The following PRELP variants were observed in gnomAD, a reference collection of about 807,000 sequenced individuals.
PRELP encodes proline and arginine rich end leucine rich repeat protein.
PRELP carries 16 observed loss-of-function variants against 22.8 expected under a neutral mutation model. The ratio of observed to expected loss-of-function variants is 0.70; its 90% CI spans 0.47 to 1.06. PRELP has a LOEUF of 1.06. Ranked by LOEUF, PRELP falls within the 50% of genes least tolerant of loss-of-function variation. The pLI is 0.00. For synonymous variants in PRELP, 233 were observed against 211.4 expected, an observed-to-expected ratio of 1.10 and a Z score of -0.89; for missense variants, 434 against 485.2, an observed-to-expected ratio of 0.89 and a Z score of 0.99.
At position 203,489,772 on chromosome 1, in the gene PRELP, C is replaced by G. The variant is rs757055587; in HGVS notation, c.*2891C>G. ...AGGAGTTCAAGACCAGCCTGGCCAA[C>G]ATAGTGAAACCCCTTGTTTACTCAA... On this transcript the variant is annotated 3_prime_UTR_variant, in exon 3 of 3. Coordinates refer to ENST00000343110, the MANE Select transcript of PRELP (RefSeq NM_002725.4). 6.6e-6 allele frequency: 1 copy of G among 152,170 alleles called. No individual in the cohort carries two copies. Among genetic ancestry groups the G allele is most frequent in the African/African-American group, 2.4e-5 (1 of 41,434 alleles). 9.4% of individuals were successfully genotyped at this position (152,170 alleles called of 1,614,324 possible).
Position 203,487,122 on chromosome 1 carries a change from T to A in PRELP, c.*241T>A. 2.1e-6 allele frequency: 1 copy of A among 466,384 alleles called. No homozygotes were observed. The highest frequency in any genetic ancestry group is 3.8e-6 in the Non-Finnish European group (1 of 262,782). The allele number at this position is 466,384 out of a possible 1,614,324, so 28.9% of individuals were successfully genotyped here. A position where few individuals can be genotyped will look rare whatever the true frequency, so the allele number is the denominator to read the frequency against. ...GTGCACACCCAAACTCCTGGCCTTC[T>A]GTGGTTTCCCTTTGCTCCAGAAACA... is the stretch of plus-strand genomic sequence containing the variant. On this transcript the variant is annotated 3_prime_UTR_variant, in exon 3 of 3. Transcript: ENST00000343110.
At position 203,483,929 on chromosome 1, in the gene PRELP, C is replaced by T. The variant is rs763757703; in HGVS notation, c.745C>T (p.Leu249=). The change falls in exon 2 of 3, where the codon CTG becomes TTG. Residue 249 remains leucine, a synonymous_variant. Transcript: ENST00000343110. This position sits in a 1 kb window ranked among gnomAD's most constrained non-coding sequence, Gnocchi z 4.4. ...CCCCACCGCCATTCACCAGCTCTAC[C>T]TGGACAGTAACAAGATTGAGACCAT... ...RVPTAIHQLY[L]DSNKIETIPN... is the part of the protein sequence containing the mutation. 4 of 1,614,248 alleles carry T rather than the reference C, an allele frequency of 2.5e-6. No homozygotes were observed. The highest frequency in any genetic ancestry group is 2.2e-5 in the East Asian group (1 of 44,890).
chr1:203,484,198 T>C, intron 2 of PRELP, 41 bp downstream of exon 2: 9 of 1,587,332 alleles, frequency 5.7e-6, no homozygotes, highest in Non-Finnish European at 7.7e-6. Flanking sequence ...GGCAAGGAGG[T>C]TGGCTTGTGT....
intron 1 of PRELP, among the ~76,000 whole-genome samples, chr1:203,477,089 C>A (rs1660923676): frequency 6.6e-6 from 1 of 152,016 alleles, no homozygotes; most frequent in Non-Finnish European, 1.5e-5. Flanking sequence ...AGGGGTCCCA[C>A]ACACAGCTGA....
chr1:203,479,166 A>G (rs1380666368), intron 1 of PRELP, among the ~76,000 whole-genome samples: 1 of 152,184 alleles, frequency 6.6e-6, no homozygotes, highest in East Asian at 1.9e-4. Context: ...ATGCCAGTTC[A>G]GAGTGCGGCG....
At chr1:203,478,366 C>G (rs932271349) in intron 1 of PRELP, among the ~76,000 whole-genome samples, 1 of 152,152 alleles carries the variant, frequency 6.6e-6, no homozygotes, top group African/African-American at 2.4e-5. Flanking sequence ...AGAGAAGAGT[C>G]GTCTCACCCT....
chr1:203,479,316 C>G (rs1660959870), intron 1 of PRELP, among the ~76,000 whole-genome samples: 2 of 152,150 alleles, frequency 1.3e-5, no homozygotes, highest in East Asian at 3.9e-4. Context: ...GGACTTCCAC[C>G]CAACCCTGCC....
rs1412861686 is a variant in PRELP, at chr1:203,483,678, T to C, written c.494T>C (p.Val165Ala). 1.2e-6 allele frequency: 2 copies of C among 1,613,586 alleles called. No homozygotes were observed. Among genetic ancestry groups the C allele is most frequent in the Non-Finnish European group, 1.7e-6 (2 of 1,179,954 alleles). The change falls in exon 2 of 3, where the codon GTC (valine) becomes GCC (alanine). Residue 165 changes from valine (V) to alanine (A), a missense_variant. Coordinates refer to ENST00000343110, the MANE Select transcript of PRELP (RefSeq NM_002725.4). The surrounding 1 kb of genome is among the most constrained non-coding windows in gnomAD (Gnocchi z 4.4). ...ATGGAGAAGAACCAGTTGGAAGAGG[T>C]CCCCTCGGCCCTGCCCCGGAACCTG... ...LYMEKNQLEE[V>A]PSALPRNLEQ...
chr1:203,485,610 C>G (rs1253857924), intron 2 of PRELP, among the ~76,000 whole-genome samples: 1 of 152,216 alleles, frequency 6.6e-6, no homozygotes, highest in Non-Finnish European at 1.5e-5. Context: ...AAGAACTCAG[C>G]ATGAGGGTGG....
chr1:203,486,048 C>T (rs938873419), intron 2 of PRELP, among the ~76,000 whole-genome samples: 1 of 152,222 alleles, frequency 6.6e-6, no homozygotes, highest in African/African-American at 2.4e-5. Context: ...TTCACATCCA[C>T]CTACTGGCTT....
chr1:203,485,569 G>A (rs1661079658), intron 2 of PRELP, among the ~76,000 whole-genome samples: 1 of 152,148 alleles, frequency 6.6e-6, no homozygotes, highest in African/African-American at 2.4e-5. Context: ...TGATTACAGG[G>A]CAGGCACCAC....
rs369747756 is a variant in PRELP, at chr1:203,483,545, T to C, written c.361T>C (p.Ser121Pro). 4 of 1,613,752 alleles carry C rather than the reference T, an allele frequency of 2.5e-6. No individual in the cohort carries two copies. The African/African-American group carries it at 5.3e-5, about 22-fold the overall frequency. ...CTTCATCACTGAGCTCCCGGTGGAG[T>C]CCTTCCAGAATGCCACAGGCCTGCG... The part of the protein sequence containing the change: ...NNFITELPVE[S>P]FQNATGLRWI... The change falls in exon 2 of 3, where the codon TCC (serine) becomes CCC (proline). Residue 121 changes from serine to proline, a missense_variant. Transcript: ENST00000343110. The surrounding 1 kb of genome is among the most constrained non-coding windows in gnomAD (Gnocchi z 4.4).
chr1:203,478,825 T>C (rs769028936), intron 1 of PRELP, among the ~76,000 whole-genome samples: 1 of 152,136 alleles, frequency 6.6e-6, no homozygotes, highest in Non-Finnish European at 1.5e-5. Flanking sequence ...TCCTTTGTTA[T>C]CTCAGGACCA....
intron 1 of PRELP, among the ~76,000 whole-genome samples, chr1:203,480,881 G>C (rs1438187493): frequency 6.6e-6 from 1 of 152,252 alleles, no homozygotes; most frequent in African/African-American, 2.4e-5. Context: ...ATGGGGATGA[G>C]GAAGGCCTGT....
chr1:203,489,386 C>T lies in PRELP; in HGVS notation c.*2505C>T, dbSNP rs1661152693. 1 of 152,238 alleles carries T rather than the reference C, an allele frequency of 6.6e-6. No individual in the cohort carries two copies. The highest frequency in any genetic ancestry group is 6.5e-5 in the Admixed American group (1 of 15,284). 9.4% of individuals were successfully genotyped at this position (152,238 alleles called of 1,614,324 possible). A position where few individuals can be genotyped will look rare whatever the true frequency, so the allele number is the denominator to read the frequency against. ...GCTTTACAGGCTCCCCTCCTCCAAACACACACAGAATGGGCTGGTTTCTTT... is the reference window on the plus strand; with the variant it reads ...GCTTTACAGGCTCCCCTCCTCCAAATACACACAGAATGGGCTGGTTTCTTT... On this transcript the variant is annotated 3_prime_UTR_variant, in exon 3 of 3. Coordinates refer to ENST00000343110, the MANE Select transcript of PRELP (RefSeq NM_002725.4).
intron 1 of PRELP, among the ~76,000 whole-genome samples, chr1:203,482,494 T>G (rs1454565861): frequency 6.6e-6 from 1 of 151,294 alleles, no homozygotes; most frequent in African/African-American, 2.4e-5. Context: ...GTCAGGCTGA[T>G]CTCGAACTCC....
rs1661151474 is a variant in PRELP, at chr1:203,489,323, T to C, written c.*2442T>C. The C allele has an allele frequency of 6.6e-6, 1 of 152,378 alleles. No individual in the cohort carries two copies. Among genetic ancestry groups the C allele is most frequent in the African/African-American group, 2.4e-5 (1 of 41,450 alleles). 9.4% of individuals were successfully genotyped at this position (152,378 alleles called of 1,614,324 possible). A position where few individuals can be genotyped will look rare whatever the true frequency, so the allele number is the denominator to read the frequency against. On this transcript the variant is annotated 3_prime_UTR_variant, in exon 3 of 3. Transcript: ENST00000343110. ...AGAATATGTCTGCTCTCCTTTGCTC[T>C]CTGCAGCTGTAAGCCAGAGGGGATT...
chr1:203,483,242 G>A lies in PRELP; in HGVS notation c.58G>A (p.Gly20Ser), dbSNP rs1328939457. Reference protein sequence around the residue: ...PLLILASVAQGQPTRRPRPGT... With the variant: ...PLLILASVAQSQPTRRPRPGT... ...TCTCATCTTGGCCTCAGTGGCCCAAGGCCAGCCAACAAGACGACCAAGACC... is the reference window on the plus strand; with the variant it reads ...TCTCATCTTGGCCTCAGTGGCCCAAAGCCAGCCAACAAGACGACCAAGACC... Residue 20 changes from glycine (G) to serine (S), a missense_variant, in exon 2 of 3, where the codon GGC becomes AGC. Coordinates refer to ENST00000343110, the MANE Select transcript of PRELP (RefSeq NM_002725.4). This position sits in a 1 kb window ranked among gnomAD's most constrained non-coding sequence, Gnocchi z 4.4. The A allele has an allele frequency of 6.3e-7, 1 of 1,593,348 alleles. No individual in the cohort carries two copies. Among genetic ancestry groups the A allele is most frequent in the South Asian group, 1.1e-5 (1 of 88,188 alleles).
rs1465047542 is a variant in PRELP, at chr1:203,490,127, C to A, written c.*3246C>A. 6.6e-6 allele frequency: 1 copy of A among 151,022 alleles called. No homozygotes were observed. Among genetic ancestry groups the A allele is most frequent in the Non-Finnish European group, 1.5e-5 (1 of 67,902 alleles). The allele number at this position is 151,022 out of a possible 1,614,324, so 9.4% of individuals were successfully genotyped here. On this transcript the variant is annotated 3_prime_UTR_variant, in exon 3 of 3. Transcript: ENST00000343110. ...GCTATCCAAAAGCCTTTTCTTTCCT[C>A]TTTTCTTATTATTTTTAAATAGAGG...
Sources: gnomAD v4.1 joint callset for allele counts (sites outside exome capture counted in the v4.1 genomes callset) on GRCh38, gnomAD v4.1.1 for gene constraint, Gnocchi (gnomAD v3.1) non-coding constraint, MANE v1.5 for transcripts, NCBI Gene and HGNC (gene_info 2026-07-23, HGNC 2026-07-21) for gene names.